CYLC2: variants seen among roughly 807,000 people sequenced by gnomAD.
The protein encoded by CYLC2 is cylicin 2.
Under a neutral mutation model 26.1 loss-of-function variants are expected in CYLC2, and 30 were observed. That is an observed-to-expected ratio of 1.15 (90% CI 0.86 to 1.56). CYLC2 has a LOEUF of 1.56. Ranked by LOEUF, CYLC2 falls within the 40% of genes most tolerant of loss-of-function variation. The pLI, the probability that CYLC2 is intolerant of heterozygous loss-of-function variation, is 0.00. For missense variants in CYLC2, 498 were observed against 394.4 expected, an observed-to-expected ratio of 1.26 and a Z score of -2.23; for synonymous variants, 158 against 132.8, an observed-to-expected ratio of 1.19 and a Z score of -1.31.
rs1564098377 is a variant in CYLC2 at position 103,006,161 on chromosome 9, A to T, written c.*483A>T. 6.6e-6 allele frequency: 1 copy of T among 152,442 alleles called. No individual in the cohort carries two copies. The highest frequency in any genetic ancestry group is 1.5e-5 in the Non-Finnish European group (1 of 68,404). 9.4% of individuals were successfully genotyped at this position (152,442 alleles called of 1,614,324 possible). A position where few individuals can be genotyped will look rare whatever the true frequency, so the allele number is the denominator to read the frequency against. The stretch of plus-strand genomic sequence containing the variant: ...CAAGCTGCATCCACAGATACAAAAA[A>T]ATATAGGAGCCATGAAATGAAGTTA... On this transcript the variant is annotated 3_prime_UTR_variant, in exon 5 of 8. Transcript: ENST00000374798.
At chr9:103,002,911 T>C (rs1391510305) in intron 2 of CYLC2, among the ~76,000 whole-genome samples, 1 of 152,248 alleles carries the variant, frequency 6.6e-6, no homozygotes, top group African/African-American at 2.4e-5. Context: ...GTTATGCTAG[T>C]TTTGCAATGA....
chr9:102,998,156 T>C (rs1193817990), intron 1 of CYLC2, among the ~76,000 whole-genome samples: 2 of 151,978 alleles, frequency 1.3e-5, no homozygotes, highest in East Asian at 3.9e-4. Flanking sequence ...TTGGTAAATA[T>C]GAGGCCTTAA....
intron 1 of CYLC2, among the ~76,000 whole-genome samples, chr9:102,995,650 T>C (rs1009507875): frequency 3.3e-5 from 5 of 151,798 alleles, no homozygotes; most frequent in African/African-American, 7.2e-5. Flanking sequence ...TTACTGCTAG[T>C]CTTACTTGAT....
chr9:103,002,095 A>G (rs1479749367), intron 2 of CYLC2, among the ~76,000 whole-genome samples: 1 of 151,860 alleles, frequency 6.6e-6, no homozygotes, highest in Non-Finnish European at 1.5e-5. Context: ...TTTTCTGTAC[A>G]TTTTTCCCAT....
intron 1 of CYLC2, among the ~76,000 whole-genome samples, chr9:102,996,572 A>G (rs1829239517): frequency 1.3e-5 from 2 of 151,924 alleles, no homozygotes; most frequent in Non-Finnish European, 2.9e-5. Context: ...ATTCTTAATA[A>G]CAAATTAGCA....
At chr9:103,001,875 C>T (rs774455791) in intron 2 of CYLC2, among the ~76,000 whole-genome samples, 14 of 152,118 alleles carry the variant, frequency 9.2e-5, no homozygotes, top group Non-Finnish European at 1.8e-4. Flanking sequence ...GTCATACAAT[C>T]AGATAATCTT....
In CYLC2 at chr9:103,005,063, CA is replaced by C. The variant is rs1829326777; in HGVS notation, c.434del (p.Lys145ArgfsTer3). On this transcript the variant is annotated frameshift_variant, in exon 5 of 8. Transcript: ENST00000374798. LOFTEE classifies it high-confidence loss of function. ...KQGKKDSKKG[K>X]DIEKGKEEKL... ...AAGGAAAAAAAGATTCAAAGAAAGG[CA>C]AGGATATAGAGAAAGGAAAAGAAGA... is the stretch of plus-strand genomic sequence containing the variant. The C allele has an allele frequency of 5.6e-6, 9 of 1,601,126 alleles. No homozygotes were observed. The highest frequency in any genetic ancestry group is 5.3e-5 in the Admixed American group (3 of 56,234).
chr9:103,015,400 CTTA>C lies in CYLC2; in HGVS notation c.*817-1483_*817-1481del, dbSNP rs994496646. Among the ~76,000 whole-genome samples, 24 of 110,326 alleles carry C rather than the reference CTTA, an allele frequency of 2.2e-4. 1 individual carries two copies. The highest frequency in any genetic ancestry group is 1.2e-3 in the South Asian group (4 of 3,476). The allele number at this position is 110,326 out of a possible 152,430, so 72.4% of individuals were successfully genotyped here. The stretch of plus-strand genomic sequence containing the variant: ...AATATATATTAAATATATATATATG[CTTA>C]TTATATATTATATATTATAATTATA... On this transcript the variant is annotated intron_variant, in intron 6 of 7. Coordinates refer to ENST00000374798, the MANE Select transcript of CYLC2 (RefSeq NM_001340.5).
intron 5 of CYLC2, among the ~76,000 whole-genome samples, 162 bp downstream of exon 5, chr9:103,006,540 A>G (rs1204747132): frequency 1.3e-5 from 2 of 149,274 alleles, no homozygotes; most frequent in African/African-American, 5.0e-5. Context: ...CAGCCTCCCA[A>G]GTAGCTGGAC....
At chr9:103,008,114 C>T (rs964546003) in intron 5 of CYLC2, among the ~76,000 whole-genome samples, 9 of 151,988 alleles carry the variant, frequency 5.9e-5, no homozygotes, top group African/African-American at 7.3e-5. Flanking sequence ...TACCATCTCT[C>T]TGAAGATTTA....
At chr9:103,018,100 A>G (rs1379935100) in intron 7 of CYLC2, among the ~76,000 whole-genome samples, 1 of 152,020 alleles carries the variant, frequency 6.6e-6, no homozygotes, top group African/African-American at 2.4e-5. Flanking sequence ...TTTAGTTTTA[A>G]TCACTCAGAA....
At chr9:103,016,260 G>T (rs1404209639) in intron 6 of CYLC2, among the ~76,000 whole-genome samples, 1 of 151,824 alleles carries the variant, frequency 6.6e-6, no homozygotes, top group Non-Finnish European at 1.5e-5. Context: ...TTAAATAAAA[G>T]CTGATAAATT....
At chr9:103,013,168 A>AT (rs1564100309) in intron 6 of CYLC2, among the ~76,000 whole-genome samples, 2 of 135,440 alleles carry the variant, frequency 1.5e-5, no homozygotes, top group African/African-American at 2.7e-5. Context: ...TATATTATAT[A>AT]AATATATATT....
intron 6 of CYLC2, among the ~76,000 whole-genome samples, chr9:103,013,709 A>G (rs1392755634): frequency 9.1e-6 from 1 of 110,330 alleles, no homozygotes. Context: ...TACATTATAT[A>G]TTATATATAT....
At chr9:103,015,062 TATAC>T (rs1187231382) in intron 6 of CYLC2, among the ~76,000 whole-genome samples, 4 of 96,470 alleles carry the variant, frequency 4.1e-5, no homozygotes, top group African/African-American at 1.5e-4. Context: ...TATTATGTAG[TATAC>T]ATAATACATG....
intron 5 of CYLC2, among the ~76,000 whole-genome samples, chr9:103,011,069 T>G (rs1829401935): frequency 6.6e-6 from 1 of 152,142 alleles, no homozygotes; most frequent in Admixed American, 6.5e-5. Flanking sequence ...TGATTACTAA[T>G]GTTCTCTAAC....
chr9:103,013,262 T>TTATATATATATATATATATAATA (rs533215794), intron 6 of CYLC2, among the ~76,000 whole-genome samples: 1 of 109,590 alleles, frequency 9.1e-6, no homozygotes, highest in African/African-American at 3.8e-5. Flanking sequence ...ATTTAATGTG[T>TTATATATATATATATATATAATA]TATATATATT....
chr9:103,007,459 T>G (rs1829363998), intron 5 of CYLC2, among the ~76,000 whole-genome samples: 1 of 152,116 alleles, frequency 6.6e-6, no homozygotes, highest in Non-Finnish European at 1.5e-5. Flanking sequence ...AAAACTAAAT[T>G]AACCAAAATT....
At chr9:103,008,180 C>T (rs932984277) in intron 5 of CYLC2, among the ~76,000 whole-genome samples, 2 of 152,060 alleles carry the variant, frequency 1.3e-5, no homozygotes, top group African/African-American at 4.8e-5. Flanking sequence ...AAATTATTTT[C>T]ACCAATAGGA....
Sources: allele counts gnomAD v4.1 joint callset (sites outside exome capture counted in the v4.1 genomes callset), GRCh38; gene constraint gnomAD v4.1.1; transcripts MANE v1.5; gene names NCBI Gene and HGNC (gene_info 2026-07-23, HGNC 2026-07-21).